TRIP11: variants seen among roughly 807,000 people sequenced by gnomAD.
TRIP11 encodes the protein thyroid receptor-interacting protein 11.
A neutral mutation model predicts 223.1 loss-of-function variants in TRIP11; 148 were observed. The ratio of observed to expected loss-of-function variants is 0.66; its 90% CI spans 0.58 to 0.76. The LOEUF (loss-of-function observed/expected upper bound fraction) is 0.76. TRIP11 is among the 30% of genes least tolerant of loss of function. The pLI, the probability that TRIP11 is intolerant of heterozygous loss-of-function variation, is 0.00. For synonymous variants in TRIP11, 762 were observed against 772.6 expected (o/e 0.99, Z 0.23); for missense variants, 2,043 against 2,222.0 (o/e 0.92, Z 1.62).
In TRIP11 at chr14:92,039,721, A is replaced by G; in HGVS notation, c.-36T>C. The G allele has an allele frequency of 6.2e-7, 1 of 1,600,176 alleles. No individual in the cohort carries two copies. Among genetic ancestry groups the G allele is most frequent in the Non-Finnish European group, 8.5e-7 (1 of 1,173,294 alleles). Reference sequence around the variant, plus strand: ...TTAGAGAACGACCCGGTCCGCTCGGAAAAAAGAAAACGTTTAGCGCCGCCG... The same window carrying G: ...TTAGAGAACGACCCGGTCCGCTCGGGAAAAAGAAAACGTTTAGCGCCGCCG... On this transcript the variant is annotated 5_prime_UTR_variant, in exon 1 of 21. Transcript: ENST00000267622.
At chr14:91,997,825 T>C (rs2056770135) in intron 13 of TRIP11, among the ~76,000 whole-genome samples, 1 of 152,038 alleles carries the variant, frequency 6.6e-6, no homozygotes. Context: ...CACCTCTATG[T>C]AAGGAAGGTT....
Position 91,968,598 on chromosome 14 carries a change from T to C in TRIP11, c.*1075A>G, listed in dbSNP as rs2056363248. 9.1e-6 allele frequency: 2 copies of C among 220,490 alleles called. No individual in the cohort carries two copies. Among genetic ancestry groups the C allele is most frequent in the Admixed American group, 5.8e-5 (1 of 17,296 alleles). The allele number at this position is 220,490 out of a possible 1,614,324, so 13.7% of individuals were successfully genotyped here. ...GAAAGTTGCATGAATTTGTGTAACATTTAGTTTTAAGATGGTATCTTTAAA... is the reference window on the plus strand; with the variant it reads ...GAAAGTTGCATGAATTTGTGTAACACTTAGTTTTAAGATGGTATCTTTAAA... On this transcript the variant is annotated 3_prime_UTR_variant, in exon 21 of 21. Transcript: ENST00000267622.
intron 20 of TRIP11, 141 bp from the exon 21 acceptor site, chr14:91,970,034 C>T: frequency 1.1e-6 from 1 of 886,588 alleles, no homozygotes; most frequent in Non-Finnish European, 1.7e-6. Context: ...ATCAATGTAT[C>T]ACTTATCAAC....
intron 2 of TRIP11, among the ~76,000 whole-genome samples, chr14:92,027,477 T>C (rs540076958): frequency 6.6e-6 from 1 of 151,990 alleles, no homozygotes; most frequent in Admixed American, 6.5e-5. Flanking sequence ...ATGAAGTTGC[T>C]GTTTATTTTT....
At chr14:91,975,102 G>C (rs973122476) in intron 18 of TRIP11, 70 bp downstream of exon 18, 2 of 1,345,024 alleles carry the variant, frequency 1.5e-6, no homozygotes, top group Middle Eastern at 2.2e-4. Flanking sequence ...TACAGTAAAA[G>C]GAAGTAATTG....
intron 5 of TRIP11, among the ~76,000 whole-genome samples, chr14:92,016,796 T>C (rs890945664): frequency 4.6e-5 from 7 of 152,192 alleles, no homozygotes; most frequent in Non-Finnish European, 7.3e-5. Context: ...GCATAGCATG[T>C]AAATAATACA....
intron 18 of TRIP11, 64 bp from the exon 19 acceptor site, chr14:91,974,807 A>G: frequency 8.1e-7 from 1 of 1,238,212 alleles, no homozygotes; most frequent in Non-Finnish European, 1.1e-6. Context: ...AACAAGGACC[A>G]CTTTTATATA....
chr14:92,002,772 G>A (rs1595385431), intron 11 of TRIP11, among the ~76,000 whole-genome samples: 1 of 151,654 alleles, frequency 6.6e-6, no homozygotes, highest in African/African-American at 2.4e-5. Flanking sequence ...GTAGAGTCGG[G>A]GTTTCACTAT....
At chr14:91,997,664 G>C (rs1177473789) in intron 13 of TRIP11, among the ~76,000 whole-genome samples, 5 of 151,924 alleles carry the variant, frequency 3.3e-5, no homozygotes, top group Admixed American at 6.6e-5. Context: ...AAAAGCAGAA[G>C]AAAAAGAAAC....
rs757017896 is a variant in TRIP11 at position 92,014,502 on chromosome 14, T to C, written c.899A>G (p.Glu300Gly). Residue 300 changes from glutamate (E) to glycine (G), a missense_variant, in exon 7 of 21, where the codon GAA becomes GGA. By Grantham distance (98) the Glu-to-Gly change is moderately conservative. Coordinates refer to ENST00000267622, the MANE Select transcript of TRIP11 (RefSeq NM_004239.4). ...MQKTIQVLQIEKVESTKKMEQ... is the reference protein window; with the variant it reads ...MQKTIQVLQIGKVESTKKMEQ... ...CATTTTTTTGGTAGACTCCACTTTT[T>C]CTATTTGTAGAACTTGAATAGTTTT... is the stretch of plus-strand genomic sequence containing the variant. The C allele has an allele frequency of 3.1e-6, 5 of 1,597,432 alleles. No individual in the cohort carries two copies. The highest frequency in any genetic ancestry group is 3.4e-6 in the Non-Finnish European group (4 of 1,175,946).
At chr14:91,982,842 T>C (rs2056561314) in intron 16 of TRIP11, among the ~76,000 whole-genome samples, 1 of 152,230 alleles carries the variant, frequency 6.6e-6, no homozygotes, top group African/African-American at 2.4e-5. Flanking sequence ...ACAATTTGTG[T>C]TTGTGATCCA....
chr14:91,969,701 A>T lies in TRIP11; in HGVS notation c.5912T>A (p.Val1971Asp). The T allele has an allele frequency of 1.9e-6, 3 of 1,612,712 alleles. No individual in the cohort carries two copies. The highest frequency in any genetic ancestry group is 2.5e-6 in the Non-Finnish European group (3 of 1,180,026). Residue 1971 changes from valine (V) to aspartate (D), a missense_variant, in exon 21 of 21, where the codon GTT (valine) becomes GAT (aspartate). Coordinates refer to ENST00000267622, the MANE Select transcript of TRIP11 (RefSeq NM_004239.4). ...LPALPDNSAG[V>D]VLKDLLKQ is the part of the protein sequence containing the mutation. ...TTGCTTTAAAAGGTCTTTCAGCACA[A>T]CCCCAGCACTGTTGTCAGGTAACGC...
At chr14:91,999,027 C>T (rs2056786600) in intron 13 of TRIP11, among the ~76,000 whole-genome samples, 1 of 152,154 alleles carries the variant, frequency 6.6e-6, no homozygotes, top group Non-Finnish European at 1.5e-5. Context: ...AATGCCAGAT[C>T]TAAAGAGTCA....
At chr14:91,984,398 C>T (rs535584102) in intron 16 of TRIP11, among the ~76,000 whole-genome samples, 2 of 150,188 alleles carry the variant, frequency 1.3e-5, no homozygotes, top group Admixed American at 1.3e-4. Context: ...TCACCGCAAC[C>T]TCCACCTCCC....
chr14:92,037,673 C>T lies in TRIP11; in HGVS notation c.139+1874G>A, dbSNP rs990488716. On this transcript the variant is annotated intron_variant, in intron 1 of 20. Coordinates refer to ENST00000267622, the MANE Select transcript of TRIP11 (RefSeq NM_004239.4). This position sits in a 1 kb window ranked among gnomAD's most constrained non-coding sequence, Gnocchi z 4.2. ...AGGATCACCTGCGGTCTCAGGAGTT[C>T]GAGATCAGCCTGGCCAACATGGCGA... Among the ~76,000 whole-genome samples, 1 of 152,072 alleles carries T rather than the reference C, an allele frequency of 6.6e-6. No individual in the cohort carries two copies. The highest frequency in any genetic ancestry group is 2.4e-5 in the African/African-American group (1 of 41,382).
intron 20 of TRIP11, 123 bp from the exon 21 acceptor site, chr14:91,970,016 T>C (rs912087578): frequency 2.0e-6 from 2 of 1,021,522 alleles, no homozygotes; most frequent in African/African-American, 3.2e-5. Flanking sequence ...CATAGATAAA[T>C]AAAAATAATC....
intron 20 of TRIP11, 107 bp downstream of exon 20, chr14:91,972,610 A>T: frequency 8.5e-7 from 1 of 1,178,172 alleles, no homozygotes; most frequent in Non-Finnish European, 1.2e-6. Flanking sequence ...AGTCCTGATT[A>T]CACATTTCCA....
chr14:92,001,424 T>C (rs1460182656), intron 11 of TRIP11, among the ~76,000 whole-genome samples: 1 of 150,970 alleles, frequency 6.6e-6, no homozygotes, highest in Non-Finnish European at 1.5e-5. Context: ...GCTTGAGAAA[T>C]TAAATAGATC....
intron 16 of TRIP11, among the ~76,000 whole-genome samples, chr14:91,986,170 C>T (rs1054061418): frequency 3.3e-5 from 5 of 152,114 alleles, no homozygotes; most frequent in African/African-American, 7.2e-5. Context: ...AGTTCGTATA[C>T]GTTTACAATG....
Sources: allele counts gnomAD v4.1 joint callset (sites outside exome capture counted in the v4.1 genomes callset), GRCh38; gene constraint gnomAD v4.1.1; non-coding constraint Gnocchi (gnomAD v3.1); transcripts MANE v1.5; gene names NCBI Gene and HGNC (gene_info 2026-07-23, HGNC 2026-07-21).